CNTN4: variants seen among roughly 807,000 people sequenced by gnomAD.
CNTN4 encodes contactin 4, also known as contactin-4.
A neutral mutation model predicts 122.5 loss-of-function variants in CNTN4; 77 were observed. The observed-to-expected ratio is 0.63, with a 90% confidence interval of 0.52 to 0.76. The LOEUF is 0.76. CNTN4 is among the 30% of genes least tolerant of loss of function. CNTN4 has a pLI of 0.00. For synonymous variants in CNTN4, 512 were observed against 447.0 expected (o/e 1.15, Z -1.83); for missense variants, 1,256 against 1,259.1 (o/e 1.00, Z 0.04).
At chr3:2,157,226 G>T (rs2035759462) in intron 2 of CNTN4, among the ~76,000 whole-genome samples, 4 of 152,204 alleles carry the variant, frequency 2.6e-5, no homozygotes, top group Admixed American at 1.3e-4. Flanking sequence ...ATAAGACCTG[G>T]TGGATAATAT....
chr3:2,433,931 G>T (rs555841200), intron 3 of CNTN4, among the ~76,000 whole-genome samples: 1 of 152,218 alleles, frequency 6.6e-6, no homozygotes, highest in Non-Finnish European at 1.5e-5. Flanking sequence ...CATATGATTT[G>T]ACTTGCATGT....
intron 2 of CNTN4, among the ~76,000 whole-genome samples, chr3:2,190,303 T>TTG (rs10685358): frequency 0.3 from 44,812 of 149,322 alleles, 7,321 homozygotes; most frequent in Non-Finnish European, 0.39. Flanking sequence ...CACATCTGAC[T>TTG]TGTGTGTGTG....
At chr3:2,455,541 C>G (rs1252224165) in intron 3 of CNTN4, among the ~76,000 whole-genome samples, 1 of 152,014 alleles carries the variant, frequency 6.6e-6, no homozygotes, top group Non-Finnish European at 1.5e-5. Flanking sequence ...GAAATCTCTT[C>G]AGCGATCCGT....
intron 3 of CNTN4, among the ~76,000 whole-genome samples, chr3:2,491,072 T>C (rs1036818732): frequency 2.6e-5 from 4 of 152,254 alleles, no homozygotes; most frequent in East Asian, 3.9e-4. Context: ...GCAACAAATA[T>C]ACTTCTTCAG....
At chr3:2,481,628 A>G (rs566570261) in intron 3 of CNTN4, among the ~76,000 whole-genome samples, 35 of 152,310 alleles carry the variant, frequency 2.3e-4, no homozygotes, top group Admixed American at 4.6e-4. Context: ...GAGAAAATCT[A>G]TGATATGGTT....
At chr3:2,785,895 G>GCCCCCCCCCCCCCCCCCCCCCCCCCC (rs149802098) in intron 6 of CNTN4, among the ~76,000 whole-genome samples, 15 of 81,662 alleles carry the variant, frequency 1.8e-4, no homozygotes, top group African/African-American at 4.3e-4. Flanking sequence ...GGCCCACGCT[G>GCCCCCCCCCCCCCCCCCCCCCCCCCC]CCCCCCCCCG....
At chr3:2,174,919 A>G (rs2149258621) in intron 2 of CNTN4, among the ~76,000 whole-genome samples, 1 of 152,242 alleles carries the variant, frequency 6.6e-6, no homozygotes, top group East Asian at 1.9e-4. Context: ...TATTGTAAGG[A>G]CAGCACGAAG....
chr3:2,924,849 A>T (rs190437482), intron 12 of CNTN4, among the ~76,000 whole-genome samples: 320 of 152,284 alleles, frequency 2.1e-3, no homozygotes, highest in African/African-American at 7.1e-3. Flanking sequence ...ACAGTTCAGC[A>T]TGTTCTCTAA....
intron 2 of CNTN4, among the ~76,000 whole-genome samples, chr3:2,311,866 A>C (rs1250008646): frequency 6.6e-6 from 1 of 152,122 alleles, no homozygotes; most frequent in Admixed American, 6.6e-5. Flanking sequence ...TTTGTCCTTC[A>C]TTTAAAGATA....
intron 3 of CNTN4, among the ~76,000 whole-genome samples, chr3:2,478,589 C>T (rs958247566): frequency 3.9e-5 from 6 of 152,082 alleles, no homozygotes; most frequent in Non-Finnish European, 5.9e-5. Context: ...CGCCCACACC[C>T]GTCCCTCTGA....
intron 10 of CNTN4, among the ~76,000 whole-genome samples, chr3:2,888,939 G>A (rs908992335): frequency 6.6e-6 from 1 of 151,944 alleles, no homozygotes; most frequent in Admixed American, 6.6e-5. Flanking sequence ...GGCCAAGGGA[G>A]GCTACGCTTC....
chr3:2,870,365 T>C (rs1160032882), intron 8 of CNTN4, among the ~76,000 whole-genome samples: 1 of 152,232 alleles, frequency 6.6e-6, no homozygotes, highest in East Asian at 1.9e-4. Flanking sequence ...TGGTGAAAAT[T>C]CATGTCTTTT....
intron 2 of CNTN4, among the ~76,000 whole-genome samples, chr3:2,190,912 A>C (rs908588716): frequency 6.6e-6 from 1 of 151,922 alleles, no homozygotes; most frequent in Non-Finnish European, 1.5e-5. Context: ...TACAGTTCAC[A>C]TATATTCAGA....
chr3:2,711,526 G>C (rs1452186285), intron 4 of CNTN4, among the ~76,000 whole-genome samples: 1 of 152,184 alleles, frequency 6.6e-6, no homozygotes, highest in African/African-American at 2.4e-5. Context: ...GGAAGAAGGA[G>C]GGAAGAAGAA....
chr3:2,950,395 A>G (rs1029293168), intron 13 of CNTN4, among the ~76,000 whole-genome samples: 1 of 152,188 alleles, frequency 6.6e-6, no homozygotes, highest in Non-Finnish European at 1.5e-5. Flanking sequence ...TGAACCTGCC[A>G]AATGAGTTTG....
At chr3:2,219,405 C>A (rs1245348485) in intron 2 of CNTN4, among the ~76,000 whole-genome samples, 1 of 152,140 alleles carries the variant, frequency 6.6e-6, no homozygotes, top group African/African-American at 2.4e-5. Flanking sequence ...CTTTGACTTA[C>A]ATTTTATTTC....
chr3:2,714,644 C>T (rs933136415), intron 4 of CNTN4, among the ~76,000 whole-genome samples: 10 of 152,204 alleles, frequency 6.6e-5, no homozygotes, highest in Non-Finnish European at 5.9e-5. Flanking sequence ...CCAACCAGAA[C>T]AGAACCAGAG....
At chr3:2,540,069 TTGTG>T (rs35310430) in intron 3 of CNTN4, among the ~76,000 whole-genome samples, 82 of 148,888 alleles carry the variant, frequency 5.5e-4, no homozygotes, top group African/African-American at 1.2e-3. Flanking sequence ...TTCATCAGTG[TTGTG>T]TGTGTGTGTG....
chr3:2,127,993 G>T (rs1324493680), intron 2 of CNTN4, among the ~76,000 whole-genome samples: 1 of 152,284 alleles, frequency 6.6e-6, no homozygotes, highest in African/African-American at 2.4e-5. Context: ...GTTGTTAAAA[G>T]ATGTTTATTT....
Sources: allele counts gnomAD v4.1 joint callset (sites outside exome capture counted in the v4.1 genomes callset), GRCh38; gene constraint gnomAD v4.1.1; transcripts MANE v1.5; gene names NCBI Gene and HGNC (gene_info 2026-07-23, HGNC 2026-07-21).